The following EYS variants were observed in gnomAD, a reference collection of about 807,000 sequenced individuals.
EYS encodes protein eyes shut homolog.
A neutral mutation model predicts 282.1 loss-of-function variants in EYS; 250 were observed. That is an observed-to-expected ratio of 0.89 (90% confidence interval 0.80 to 0.98). EYS has a LOEUF of 0.98. Ranked by LOEUF, EYS falls within the 50% of genes least tolerant of loss-of-function variation. The pLI is 0.00. For missense variants in EYS, 4,016 were observed against 3,709.0 expected (o/e 1.08, Z -2.15); for synonymous variants, 1,355 against 1,282.9 (o/e 1.06, Z -1.20).
chr6:63,778,490 A>C (rs1770124380), intron 39 of EYS, among the ~76,000 whole-genome samples: 1 of 152,188 alleles, frequency 6.6e-6, no homozygotes. Context: ...ATATAATATT[A>C]TACCAAAAAG....
intron 1 of EYS, among the ~76,000 whole-genome samples, chr6:65,651,515 T>C (rs747470909): frequency 2.6e-5 from 4 of 152,160 alleles, no homozygotes; most frequent in African/African-American, 7.2e-5. Context: ...TCTTATGATA[T>C]CTTCATGTAT....
chr6:63,937,340 C>CTTTTCTTTTTT (rs1765089521), intron 35 of EYS, among the ~76,000 whole-genome samples: 1 of 46,048 alleles, frequency 2.2e-5, no homozygotes, highest in African/African-American at 6.9e-5. Context: ...AGGCTTCTCT[C>CTTTTCTTTTTT]TTTTCTTTTT....
At chr6:65,075,655 C>T (rs1186890388) in intron 12 of EYS, among the ~76,000 whole-genome samples, 1 of 151,626 alleles carries the variant, frequency 6.6e-6, no homozygotes. Context: ...TATGATTCCA[C>T]CTACACAGAA....
At chr6:64,307,294 T>C (rs1769490397) in intron 29 of EYS, among the ~76,000 whole-genome samples, 2 of 152,112 alleles carry the variant, frequency 1.3e-5, no homozygotes, top group African/African-American at 4.8e-5. Context: ...TTATGAATAA[T>C]GCTGCAATGA....
At chr6:63,979,708 A>G (rs1767001595) in intron 35 of EYS, among the ~76,000 whole-genome samples, 1 of 151,950 alleles carries the variant, frequency 6.6e-6, no homozygotes, top group African/African-American at 2.4e-5. Context: ...GCTTGTTTTA[A>G]GTCCGTAGAG....
intron 2 of EYS, among the ~76,000 whole-genome samples, chr6:65,620,037 A>G (rs140493179): frequency 6.6e-6 from 1 of 152,118 alleles, no homozygotes; most frequent in African/African-American, 2.4e-5. Flanking sequence ...TGTCTCTGCC[A>G]GGCTTTGGTA....
chr6:65,459,746 A>G (rs1764748978), intron 5 of EYS, among the ~76,000 whole-genome samples: 1 of 151,136 alleles, frequency 6.6e-6, no homozygotes, highest in African/African-American at 2.4e-5. Context: ...TTACATGGAG[A>G]GACAAATATT....
At chr6:64,577,482 C>T (rs997611419) in intron 26 of EYS, among the ~76,000 whole-genome samples, 22 of 150,606 alleles carry the variant, frequency 1.5e-4, no homozygotes, top group African/African-American at 4.8e-4. Context: ...CATAAAAATG[C>T]ACCCTACACA....
At chr6:65,563,975 T>A (rs1379766122) in intron 2 of EYS, among the ~76,000 whole-genome samples, 1 of 152,110 alleles carries the variant, frequency 6.6e-6, no homozygotes, top group African/African-American at 2.4e-5. Context: ...AACAATCTTA[T>A]ACACCAATAA....
chr6:63,791,577 C>CA (rs889736940), intron 37 of EYS, among the ~76,000 whole-genome samples: 935 of 52,382 alleles, frequency 0.018, 2 homozygotes, highest in Middle Eastern at 0.058. Flanking sequence ...GACTCCCTCT[C>CA]AAAAAAAAAA....
At chr6:64,149,170 G>T (rs962107999) in intron 31 of EYS, among the ~76,000 whole-genome samples, 4 of 152,148 alleles carry the variant, frequency 2.6e-5, no homozygotes, top group Non-Finnish European at 1.5e-5. Context: ...GAAATCATCT[G>T]AAGCTTAGCT....
At chr6:65,615,796 T>G (rs1185916985) in intron 2 of EYS, among the ~76,000 whole-genome samples, 1 of 151,660 alleles carries the variant, frequency 6.6e-6, no homozygotes, top group African/African-American at 2.4e-5. Context: ...TAGCCGGTCG[T>G]GGTGGCGGGC....
At chr6:64,668,625 C>T (rs1022282111) in intron 22 of EYS, among the ~76,000 whole-genome samples, 6 of 147,078 alleles carry the variant, frequency 4.1e-5, no homozygotes, top group South Asian at 2.2e-4. Flanking sequence ...AGTGCAGTCA[C>T]GCAATCTCGG....
intron 19 of EYS, among the ~76,000 whole-genome samples, chr6:64,853,883 G>A: frequency 6.6e-6 from 1 of 151,722 alleles, no homozygotes; most frequent in East Asian, 1.9e-4. Context: ...AATCTACAAA[G>A]AACTCAAACA....
chr6:65,563,408 AT>A (rs1445385520), intron 2 of EYS, among the ~76,000 whole-genome samples: 1 of 152,102 alleles, frequency 6.6e-6, no homozygotes, highest in Non-Finnish European at 1.5e-5. Context: ...ACTATGTTAT[AT>A]TTTTTATTTT....
At chr6:65,310,353 A>G (rs950247949) in intron 11 of EYS, among the ~76,000 whole-genome samples, 1 of 152,004 alleles carries the variant, frequency 6.6e-6, no homozygotes, top group African/African-American at 2.4e-5. Flanking sequence ...AAATCTATCT[A>G]TCTAGCTATC....
chr6:63,799,642 G>A (rs190481918), intron 37 of EYS, among the ~76,000 whole-genome samples: 1 of 152,298 alleles, frequency 6.6e-6, no homozygotes, highest in Admixed American at 6.5e-5. Flanking sequence ...TAATCTTGTT[G>A]AGGGACAAGA....
At chr6:65,231,224 C>T (rs1246126427) in intron 12 of EYS, among the ~76,000 whole-genome samples, 4 of 144,680 alleles carry the variant, frequency 2.8e-5, no homozygotes, top group African/African-American at 1.0e-4. Context: ...ACATATATAT[C>T]TGAATTTCTG....
At chr6:65,427,460 T>G (rs1416613805) in intron 5 of EYS, among the ~76,000 whole-genome samples, 1 of 152,094 alleles carries the variant, frequency 6.6e-6, no homozygotes, top group Non-Finnish European at 1.5e-5. Context: ...TTGGTTAATA[T>G]TATAAAATAT....
Sources: gnomAD v4.1 joint callset for allele counts (sites outside exome capture counted in the v4.1 genomes callset) on GRCh38, gnomAD v4.1.1 for gene constraint, MANE v1.5 for transcripts, NCBI Gene and HGNC (gene_info 2026-07-23, HGNC 2026-07-21) for gene names.